Variants in TUSC3 observed in about 807,000 individuals in gnomAD.
TUSC3 encodes tumor suppressor candidate 3.
A neutral mutation model predicts 44.8 loss-of-function variants in TUSC3; 45 were observed. That is an observed-to-expected ratio of 1.00 (90% CI 0.79 to 1.29). TUSC3 has a LOEUF of 1.29. Ranked by LOEUF, TUSC3 falls within the 50% of genes most tolerant of loss-of-function variation. The pLI, the probability that TUSC3 is intolerant of heterozygous loss-of-function variation, is 0.00. For missense variants in TUSC3, 519 were observed against 437.9 expected (o/e 1.19, Z -1.65); for synonymous variants, 212 against 152.9 (o/e 1.39, Z -2.85).
intron 3 of TUSC3, among the ~76,000 whole-genome samples, chr8:15,652,761 T>C (rs1213210037): frequency 1.3e-5 from 2 of 152,158 alleles, no homozygotes; most frequent in African/African-American, 2.4e-5. Context: ...ACTTGAATCC[T>C]CTCTATCATA....
intron 8 of TUSC3, among the ~76,000 whole-genome samples, chr8:15,747,566 C>A (rs375391346): frequency 1.3e-4 from 19 of 151,826 alleles, no homozygotes; most frequent in African/African-American, 4.3e-4. Context: ...TTTAAATATC[C>A]AAAATACTAT....
At chr8:15,623,826 C>T (rs1032731515) in intron 2 of TUSC3, among the ~76,000 whole-genome samples, 1 of 152,098 alleles carries the variant, frequency 6.6e-6, no homozygotes, top group Non-Finnish European at 1.5e-5. Context: ...TACCCAGTTT[C>T]CTCCAGTGGT....
intron 2 of TUSC3, among the ~76,000 whole-genome samples, chr8:15,490,968 T>TG (rs1313220180): frequency 6.6e-6 from 1 of 152,034 alleles, no homozygotes; most frequent in Non-Finnish European, 1.5e-5. Context: ...AAAGAGGGTC[T>TG]GGGGCCCCCC....
intron 1 of TUSC3, among the ~76,000 whole-genome samples, chr8:15,596,965 C>A (rs73540552): frequency 7.2e-5 from 11 of 152,090 alleles, no homozygotes; most frequent in Non-Finnish European, 1.3e-4. Context: ...CCAATTTAAA[C>A]CTTGGTTAGG....
chr8:15,641,340 A>G (rs922628675), intron 2 of TUSC3, among the ~76,000 whole-genome samples: 1 of 149,276 alleles, frequency 6.7e-6, no homozygotes, highest in African/African-American at 2.5e-5. Context: ...CGGCCTGGCG[A>G]CAGAGAGAGA....
At chr8:15,753,179 A>G (rs1301844213) in intron 9 of TUSC3, among the ~76,000 whole-genome samples, 2 of 151,882 alleles carry the variant, frequency 1.3e-5, no homozygotes, top group Non-Finnish European at 2.9e-5. Flanking sequence ...GTTCTTTCTT[A>G]TCTGAATTTC....
chr8:15,840,117 T>C, the TUSC3 span, among the ~76,000 whole-genome samples: 13 of 152,116 alleles, frequency 8.5e-5, no homozygotes, highest in Admixed American at 4.6e-4. Context: ...CTCAGCAAAC[T>C]ATCGCAAGAC....
At chr8:15,464,088 T>A (rs1256079957) in intron 1 of TUSC3, among the ~76,000 whole-genome samples, 2 of 152,182 alleles carry the variant, frequency 1.3e-5, no homozygotes, top group Non-Finnish European at 2.9e-5. Flanking sequence ...CAAGCCATAG[T>A]GAGTCTAGTC....
chr8:15,582,296 A>C (rs982906429), intron 1 of TUSC3, among the ~76,000 whole-genome samples: 5 of 152,250 alleles, frequency 3.3e-5, no homozygotes, highest in African/African-American at 1.2e-4. Context: ...GGAGCTGTAG[A>C]CCGGAGCTGT....
At chr8:15,796,831 C>T in the TUSC3 span, among the ~76,000 whole-genome samples, 1 of 152,236 alleles carries the variant, frequency 6.6e-6, no homozygotes, top group Non-Finnish European at 1.5e-5. Flanking sequence ...TCGGTGGGCC[C>T]TTCCCAACTT....
chr8:15,608,553 C>T (rs1455842995), intron 1 of TUSC3, among the ~76,000 whole-genome samples: 1 of 152,078 alleles, frequency 6.6e-6, no homozygotes. Flanking sequence ...CAAATCTCAT[C>T]TTCATTTGTA....
rs1419166484 is a variant in TUSC3, at chr8:15,458,600, G to A, written n.92-24786G>A. Reference sequence around the variant, plus strand: ...AAAAGCAGGCTATGTATGGACCAACGATGAATGTGTTATGTACCAATGATT... The same window carrying A: ...AAAAGCAGGCTATGTATGGACCAACAATGAATGTGTTATGTACCAATGATT... On this transcript the variant is annotated intron_variant and non_coding_transcript_variant, in intron 1 of 5. Transcript: ENST00000503191. Among the ~76,000 whole-genome samples the A allele has an allele frequency of 4.6e-5, 7 of 152,134 alleles. No individual in the cohort carries two copies. The East Asian group carries it at 9.7e-4, about 21-fold the overall frequency.
chr8:15,431,584 A>G (rs1023350173), intron 1 of TUSC3, among the ~76,000 whole-genome samples: 2 of 151,542 alleles, frequency 1.3e-5, no homozygotes, highest in Non-Finnish European at 2.9e-5. Flanking sequence ...CAAACTCTTT[A>G]GAGGTTTCTA....
At chr8:15,802,044 G>C in the TUSC3 span, among the ~76,000 whole-genome samples, 1 of 152,204 alleles carries the variant, frequency 6.6e-6, no homozygotes, top group Non-Finnish European at 1.5e-5. Flanking sequence ...AAATGGGAGA[G>C]GGTGTGGAGC....
intron 5 of TUSC3, among the ~76,000 whole-genome samples, chr8:15,672,945 G>T (rs1288981379): frequency 6.6e-6 from 1 of 152,050 alleles, no homozygotes; most frequent in Admixed American, 6.6e-5. Context: ...CAAGTTATAG[G>T]ATAGCAGGAA....
intron 2 of TUSC3, among the ~76,000 whole-genome samples, chr8:15,533,905 C>T (rs1036953923): frequency 2.4e-4 from 36 of 152,224 alleles, no homozygotes; most frequent in Middle Eastern, 3.4e-3. Context: ...GGGTTTATCT[C>T]ATGGTTGGAA....
chr8:15,589,803 AG>A (rs1803747836), intron 1 of TUSC3, among the ~76,000 whole-genome samples: 1 of 152,176 alleles, frequency 6.6e-6, no homozygotes. Flanking sequence ...TCCTACCAAA[AG>A]TGAGTTAATG....
chr8:15,561,979 T>A (rs1306987110), intron 1 of TUSC3, among the ~76,000 whole-genome samples: 2 of 152,188 alleles, frequency 1.3e-5, no homozygotes, highest in African/African-American at 4.8e-5. Flanking sequence ...TTGCTCAGGC[T>A]GGGAGCTGTA....
At chr8:15,834,863 T>A in the TUSC3 span, among the ~76,000 whole-genome samples, 1 of 152,206 alleles carries the variant, frequency 6.6e-6, no homozygotes, top group Non-Finnish European at 1.5e-5. Context: ...CAGATTTTTA[T>A]ACAGTATTCA....
Sources: gnomAD v4.1 joint callset for allele counts (sites outside exome capture counted in the v4.1 genomes callset) on GRCh38, gnomAD v4.1.1 for gene constraint, MANE v1.5 for transcripts, NCBI Gene and HGNC (gene_info 2026-07-23, HGNC 2026-07-21) for gene names.